ZIM2: variants seen among roughly 807,000 people sequenced by gnomAD.
ZIM2 encodes the protein zinc finger imprinted 2.
A neutral mutation model predicts 38.6 loss-of-function variants in ZIM2; 14 were observed. The ratio of observed to expected loss-of-function variants is 0.36; its 90% CI spans 0.24 to 0.57. The LOEUF is 0.57. Among genes scored for constraint, ZIM2 ranks in the 20% least tolerant of loss-of-function variants. The pLI is 0.81. For synonymous variants in ZIM2, 247 were observed against 245.8 expected, an observed-to-expected ratio of 1.00 and a Z score of -0.04; for missense variants, 680 against 695.1, an observed-to-expected ratio of 0.98 and a Z score of 0.24.
chr19:56,822,608 C>T (rs768582767), intron 6 of ZIM2, 145 bp downstream of exon 6: 26 of 1,106,530 alleles, frequency 2.3e-5, no homozygotes, highest in Non-Finnish European at 2.8e-5. Context: ...TTCAAAAATA[C>T]GAGCCTTGGA....
At chr19:56,823,703 T>C (rs1461062192) in intron 4 of ZIM2, 24 bp from the exon 5 acceptor site, 3 of 1,613,762 alleles carry the variant, frequency 1.9e-6, no homozygotes, top group East Asian at 2.2e-5. Flanking sequence ...GGTCGCCAAG[T>C]TACTATCTCT....
intron 2 of ZIM2, among the ~76,000 whole-genome samples, chr19:56,832,359 C>T (rs891132844): frequency 4.6e-5 from 7 of 152,070 alleles, no homozygotes; most frequent in African/African-American, 7.3e-5. Flanking sequence ...CTGTACCTCC[C>T]CTCTCCAGTG....
intron 9 of ZIM2, chr19:56,815,295 GT>G: frequency 6.2e-7 from 1 of 1,614,208 alleles, no homozygotes; most frequent in Non-Finnish European, 8.5e-7. Flanking sequence ...AGATTTTCTG[GT>G]TTGTGTTGAG....
intron 1 of ZIM2, among the ~76,000 whole-genome samples, chr19:56,839,377 C>A (rs956871643): frequency 6.6e-6 from 1 of 151,760 alleles, no homozygotes; most frequent in African/African-American, 2.4e-5. Flanking sequence ...GCAGCACCTG[C>A]ACAGCAAACC....
intron 6 of ZIM2, 82 bp downstream of exon 6, chr19:56,822,671 A>G: frequency 6.4e-7 from 1 of 1,551,948 alleles, no homozygotes; most frequent in Non-Finnish European, 8.8e-7. Flanking sequence ...AGAAACTTCG[A>G]GGCCCTGGCA....
intron 9 of ZIM2, chr19:56,812,097 C>G (rs1344520609): frequency 1.0e-6 from 1 of 978,176 alleles, no homozygotes; most frequent in Non-Finnish European, 1.2e-6. Flanking sequence ...ATGATCTACA[C>G]TTACATTTTG....
intron 9 of ZIM2, among the ~76,000 whole-genome samples, chr19:56,797,174 G>A (rs1230421383): frequency 6.6e-6 from 1 of 152,042 alleles, no homozygotes; most frequent in Non-Finnish European, 1.5e-5. Flanking sequence ...AAAATAGCTG[G>A]GTGTGGTGGT....
intron 9 of ZIM2, among the ~76,000 whole-genome samples, chr19:56,792,181 A>T (rs973372496): frequency 6.6e-6 from 1 of 152,074 alleles, no homozygotes; most frequent in Admixed American, 6.6e-5. Flanking sequence ...CATAAAAAGG[A>T]ATGAAATCAT....
At chr19:56,803,041 C>A (rs752740685) in intron 9 of ZIM2, among the ~76,000 whole-genome samples, 1 of 152,186 alleles carries the variant, frequency 6.6e-6, no homozygotes, top group Non-Finnish European at 1.5e-5. Flanking sequence ...GGATGGCCAC[C>A]TTGCCTTTGG....
At chr19:56,817,121 C>T (rs199823672) in intron 9 of ZIM2, 17 of 1,614,004 alleles carry the variant, frequency 1.1e-5, no homozygotes, top group South Asian at 5.5e-5. Flanking sequence ...GGCTGTGACT[C>T]GGTAAAGGAG....
At chr19:56,809,641 A>G (rs1162964476) in intron 9 of ZIM2, among the ~76,000 whole-genome samples, 1 of 152,218 alleles carries the variant, frequency 6.6e-6, no homozygotes, top group African/African-American at 2.4e-5. Context: ...CAGTACAGAG[A>G]TGACCCACTC....
At chr19:56,786,240 G>A (rs2046597489) in intron 10 of ZIM2, among the ~76,000 whole-genome samples, 1 of 152,148 alleles carries the variant, frequency 6.6e-6, no homozygotes, top group Non-Finnish European at 1.5e-5. Flanking sequence ...TCACCCTCAA[G>A]AACCAATTTT....
intron 1 of ZIM2, among the ~76,000 whole-genome samples, chr19:56,839,713 A>G (rs562228440): frequency 7.2e-5 from 11 of 152,142 alleles, no homozygotes; most frequent in Non-Finnish European, 1.5e-4. Flanking sequence ...ATTACATCCA[A>G]TGCAACCCAC....
chr19:56,790,018 AGCCACCCTCAT>A (rs1438539088), intron 9 of ZIM2, 67 bp from the exon 10 acceptor site: 2 of 1,335,822 alleles, frequency 1.5e-6, no homozygotes, highest in Non-Finnish European at 2.0e-6. Context: ...CACAGTGGCC[AGCCACCCTCAT>A]GCCACCCTGT....
chr19:56,817,074 C>T (rs1421398654), intron 9 of ZIM2: 1 of 1,614,184 alleles, frequency 6.2e-7, no homozygotes, highest in South Asian at 1.1e-5. Flanking sequence ...ACCTCCCACA[C>T]TCATCACATA....
At position 56,836,013 on chromosome 19, in the gene ZIM2, C is replaced by T. The variant is rs1397142484; in HGVS notation, c.-227+5G>A. ...GTGGCACTGTGAGGAGGAAATTCAA[C>T]TCACCTGGACCCAGCCACCTAGCGT... On this transcript the variant is annotated splice_donor_5th_base_variant and intron_variant, in intron 2 of 12. Coordinates refer to ENST00000629319, the MANE Select transcript of ZIM2 (RefSeq NM_001387356.1). 3.9e-6 allele frequency: 2 copies of T among 511,646 alleles called. No individual in the cohort carries two copies. The highest frequency in any genetic ancestry group is 2.9e-5 in the South Asian group (2 of 69,444). 31.7% of individuals were successfully genotyped at this position (511,646 alleles called of 1,614,324 possible).
intron 4 of ZIM2, 111 bp downstream of exon 4, chr19:56,824,151 C>G: frequency 6.7e-7 from 1 of 1,495,604 alleles, no homozygotes; most frequent in Non-Finnish European, 9.0e-7. Flanking sequence ...CCCACCGCTG[C>G]CCAGGACAGA....
At chr19:56,816,329 T>G (rs763379983) in intron 9 of ZIM2, 4 of 1,614,188 alleles carry the variant, frequency 2.5e-6, no homozygotes, top group Non-Finnish European at 3.4e-6. Flanking sequence ...GAATGAATTT[T>G]CTGATGCTCA....
At chr19:56,783,440 T>G (rs1243968015) in intron 10 of ZIM2, among the ~76,000 whole-genome samples, 1 of 151,928 alleles carries the variant, frequency 6.6e-6, no homozygotes, top group East Asian at 1.9e-4. Flanking sequence ...ATAAAGAAAA[T>G]GAGGTGTGTA....
Sources: gnomAD v4.1 joint callset for allele counts (sites outside exome capture counted in the v4.1 genomes callset) on GRCh38, gnomAD v4.1.1 for gene constraint, MANE v1.5 for transcripts, NCBI Gene and HGNC (gene_info 2026-07-23, HGNC 2026-07-21) for gene names.